Variants in STX8 observed in about 807,000 individuals in gnomAD.
The protein encoded by STX8 is syntaxin 8.
A neutral mutation model predicts 37.5 loss-of-function variants in STX8; 23 were observed. The ratio of observed to expected loss-of-function variants is 0.61; its 90% confidence interval spans 0.44 to 0.87. The LOEUF is 0.87. Among genes scored for constraint, STX8 ranks in the 40% least tolerant of loss-of-function variants. STX8 has a pLI of 0.00. For missense variants in STX8, 313 were observed against 284.7 expected (o/e 1.10, Z -0.71); for synonymous variants, 115 against 99.1 (o/e 1.16, Z -0.95).
intron 7 of STX8, among the ~76,000 whole-genome samples, chr17:9,324,765 C>CAAAAAA (rs534392223): frequency 1.3e-4 from 6 of 45,918 alleles, no homozygotes; most frequent in African/African-American, 2.2e-4. Context: ...AACTCCATCT[C>CAAAAAA]AAAAAAAAAA....
chr17:9,455,623 T>C (rs1905165745), intron 6 of STX8, among the ~76,000 whole-genome samples: 1 of 151,794 alleles, frequency 6.6e-6, no homozygotes, highest in Admixed American at 6.6e-5. Flanking sequence ...AAAGCACAAA[T>C]GAAAATATTA....
chr17:9,297,507 T>C (rs1908608079), intron 7 of STX8, among the ~76,000 whole-genome samples: 1 of 152,200 alleles, frequency 6.6e-6, no homozygotes, highest in Admixed American at 6.5e-5. Flanking sequence ...TATTTCAGCA[T>C]TCGTGACTTC....
intron 6 of STX8, among the ~76,000 whole-genome samples, chr17:9,489,225 A>G (rs1906741532): frequency 1.3e-5 from 2 of 152,176 alleles, no homozygotes; most frequent in Admixed American, 1.3e-4. Context: ...TACAACAGCA[A>G]CAGAAAACTA....
intron 4 of STX8, among the ~76,000 whole-genome samples, chr17:9,536,751 T>TC (rs1316444215): frequency 1.3e-5 from 2 of 151,820 alleles, no homozygotes; most frequent in East Asian, 3.9e-4. Flanking sequence ...ATTATTATTT[T>TC]TTTTTTTTTG....
intron 3 of STX8, among the ~76,000 whole-genome samples, chr17:9,547,630 A>AAG (rs1161763481): frequency 6.6e-5 from 9 of 137,394 alleles, no homozygotes; most frequent in African/African-American, 2.4e-4. Flanking sequence ...TCCGTCTCAA[A>AAG]AAAAAAAAAG....
chr17:9,278,425 G>A (rs1245739862), intron 7 of STX8, among the ~76,000 whole-genome samples: 1 of 151,930 alleles, frequency 6.6e-6, no homozygotes, highest in East Asian at 1.9e-4. Context: ...CTCCTGCCTG[G>A]GCAACAAGAG....
In STX8 at chr17:9,308,703, A is replaced by G. The variant is rs186623911; in HGVS notation, c.644-58058T>C. 4.1e-5 allele frequency among the ~76,000 whole-genome samples: 6 copies of G among 146,558 alleles called. No individual in the cohort carries two copies. In the East Asian group the frequency reaches 9.9e-4, roughly 24 times the overall value. On this transcript the variant is annotated intron_variant, in intron 7 of 7. Coordinates refer to ENST00000306357, the MANE Select transcript of STX8 (RefSeq NM_004853.3). ...GTGCCATAGCACTCTAGCCTGGAGG[A>G]CAACAGTGAAACTCCGTCAAAAAAA... is the stretch of plus-strand genomic sequence containing the variant.
intron 2 of STX8, among the ~76,000 whole-genome samples, chr17:9,560,394 T>C (rs1907180202): frequency 1.8e-5 from 1 of 56,036 alleles, no homozygotes; most frequent in African/African-American, 4.8e-5. Flanking sequence ...CAAGACTCCA[T>C]CTCAAAAAAA....
chr17:9,296,343 A>G (rs1461170100), intron 7 of STX8, among the ~76,000 whole-genome samples: 1 of 151,296 alleles, frequency 6.6e-6, no homozygotes, highest in East Asian at 1.9e-4. Flanking sequence ...CTCTGTCTCA[A>G]AAAAATTAGC....
At chr17:9,340,803 A>G (rs970013870) in intron 7 of STX8, among the ~76,000 whole-genome samples, 1 of 150,258 alleles carries the variant, frequency 6.7e-6, no homozygotes, top group Non-Finnish European at 1.5e-5. Flanking sequence ...GATGACAGGC[A>G]TGTGCGACTA....
intron 1 of STX8, among the ~76,000 whole-genome samples, chr17:9,574,228 G>A (rs1037024768): frequency 2.0e-5 from 3 of 149,792 alleles, no homozygotes; most frequent in South Asian, 2.1e-4. Context: ...CCATGATCGC[G>A]CCATTGCACT....
chr17:9,416,080 T>C (rs1056559997), intron 6 of STX8, among the ~76,000 whole-genome samples: 2 of 152,224 alleles, frequency 1.3e-5, no homozygotes, highest in African/African-American at 4.8e-5. Context: ...TATCTCCAAG[T>C]GTCTCCAGAG....
intron 7 of STX8, among the ~76,000 whole-genome samples, chr17:9,327,198 A>AAGGAAGAAGGAGGAAGAAGG (rs1200907018): frequency 1.3e-4 from 19 of 147,168 alleles, no homozygotes; most frequent in African/African-American, 4.6e-4. Context: ...AAGAAGGAAG[A>AAGGAAGAAGGAGGAAGAAGG]AGGAAGAAGG....
At chr17:9,398,963 C>T (rs539011693) in intron 6 of STX8, among the ~76,000 whole-genome samples, 2 of 150,734 alleles carry the variant, frequency 1.3e-5, no homozygotes, top group African/African-American at 2.4e-5. Context: ...GCATGAGAAT[C>T]GCTTGAACCT....
chr17:9,562,417 A>C (rs1270772428), intron 2 of STX8, among the ~76,000 whole-genome samples: 3 of 152,020 alleles, frequency 2.0e-5, no homozygotes, highest in African/African-American at 4.8e-5. Context: ...GGAAAAAAAA[A>C]AAAAAACTTT....
At chr17:9,446,423 T>C (rs887562534) in intron 6 of STX8, among the ~76,000 whole-genome samples, 1 of 152,234 alleles carries the variant, frequency 6.6e-6, no homozygotes, top group African/African-American at 2.4e-5. Context: ...CTGCACCATT[T>C]CTGCTATTAC....
At chr17:9,430,069 T>G (rs1483571405) in intron 6 of STX8, among the ~76,000 whole-genome samples, 1 of 65,908 alleles carries the variant, frequency 1.5e-5, no homozygotes, top group East Asian at 3.3e-4. Flanking sequence ...AATATATATA[T>G]TCTATATAAT....
At chr17:9,390,778 A>G (rs1348654712) in intron 6 of STX8, among the ~76,000 whole-genome samples, 2 of 145,230 alleles carry the variant, frequency 1.4e-5, no homozygotes, top group African/African-American at 2.6e-5. Flanking sequence ...TGGAGGTTGC[A>G]GTGAGCCGAG....
chr17:9,515,983 C>T (rs1316952460), intron 4 of STX8, among the ~76,000 whole-genome samples: 1 of 151,992 alleles, frequency 6.6e-6, no homozygotes, highest in Non-Finnish European at 1.5e-5. Flanking sequence ...AAAGCCTATC[C>T]CAACTCTCAT....
Sources: allele counts gnomAD v4.1 joint callset (sites outside exome capture counted in the v4.1 genomes callset), GRCh38; gene constraint gnomAD v4.1.1; transcripts MANE v1.5; gene names NCBI Gene and HGNC (gene_info 2026-07-23, HGNC 2026-07-21).